TDRD7: variants seen among roughly 807,000 people sequenced by gnomAD.
The protein encoded by TDRD7 is tudor domain containing 7, also known as tudor domain-containing protein 7.
A neutral mutation model predicts 109.8 loss-of-function variants in TDRD7; 47 were observed. The ratio of observed to expected loss-of-function variants is 0.43; its 90% CI spans 0.34 to 0.55. TDRD7 has a LOEUF of 0.55. Among genes scored for constraint, TDRD7 ranks in the 20% least tolerant of loss-of-function variants. The probability of loss-of-function intolerance (pLI) is 0.03; values close to 1 mark genes in which losing one functional copy is unlikely to be tolerated. For synonymous variants in TDRD7, 424 were observed against 457.3 expected (o/e 0.93, Z 0.93); for missense variants, 1,164 against 1,319.2 (o/e 0.88, Z 1.82).
chr9:97,457,240 GT>G (rs933222355), intron 6 of TDRD7, among the ~76,000 whole-genome samples: 1 of 152,100 alleles, frequency 6.6e-6, no homozygotes, highest in African/African-American at 2.4e-5. Context: ...TAGTTCAACT[GT>G]TGTGGAAGAC....
At chr9:97,489,190 CCTTA>C (rs1430405656) in intron 16 of TDRD7, among the ~76,000 whole-genome samples, 2 of 152,174 alleles carry the variant, frequency 1.3e-5, no homozygotes, top group East Asian at 1.9e-4. Flanking sequence ...TCACTTATGT[CCTTA>C]CTTATTTTTA....
intron 16 of TDRD7, among the ~76,000 whole-genome samples, chr9:97,488,896 G>A (rs1409972517): frequency 1.3e-5 from 2 of 152,160 alleles, no homozygotes; most frequent in African/African-American, 4.8e-5. Flanking sequence ...CTCTTGAAAT[G>A]TATCCTTTGA....
At chr9:97,431,975 T>G (rs1304506382) in intron 3 of TDRD7, 50 bp from the exon 4 acceptor site, 1 of 1,511,058 alleles carries the variant, frequency 6.6e-7, no homozygotes. Flanking sequence ...ATAATGAAAG[T>G]GGGGTTTGGG....
Position 97,465,022 on chromosome 9 carries a change from A to T in TDRD7, c.1623A>T (p.Lys541Asn), listed in dbSNP as rs370363564. The T allele has an allele frequency of 3.7e-6, 6 of 1,613,782 alleles. No homozygotes were observed. Among genetic ancestry groups the T allele is most frequent in the Non-Finnish European group, 5.1e-6 (6 of 1,179,826 alleles). ...RAQVISTEEN[K>N]IKVCYVDYGF... ...AGGTCATCTCAACAGAAGAGAACAAAATAAAGGCAAGCACTGTTTACTTTG... is the reference window on the plus strand; with the variant it reads ...AGGTCATCTCAACAGAAGAGAACAATATAAAGGCAAGCACTGTTTACTTTG... The change falls in exon 8 of 17, where the codon AAA becomes AAT. Residue 541 changes from lysine to asparagine, a missense_variant. Physicochemically the swap from Lys to Asn is moderately conservative, Grantham distance 94. Transcript: ENST00000355295.
chr9:97,430,446 G>A (rs1828082102), intron 2 of TDRD7, among the ~76,000 whole-genome samples: 1 of 152,168 alleles, frequency 6.6e-6, no homozygotes, highest in South Asian at 2.1e-4. Context: ...CATCACAGAG[G>A]CAAGAGAAGG....
chr9:97,455,197 CA>C (rs1828582594), intron 6 of TDRD7, among the ~76,000 whole-genome samples: 1 of 152,064 alleles, frequency 6.6e-6, no homozygotes, highest in Non-Finnish European at 1.5e-5. Flanking sequence ...GCCTACCAAC[CA>C]AAAAAAGCCC....
At chr9:97,448,973 A>G (rs1828445235) in intron 6 of TDRD7, among the ~76,000 whole-genome samples, 1 of 152,190 alleles carries the variant, frequency 6.6e-6, no homozygotes. Flanking sequence ...CATAGACTCA[A>G]AGGAGTTTGG....
chr9:97,436,864 A>G (rs955004150), intron 4 of TDRD7, among the ~76,000 whole-genome samples: 2 of 152,178 alleles, frequency 1.3e-5, no homozygotes, highest in Admixed American at 6.5e-5. Flanking sequence ...CCTTATAAAC[A>G]TATGGTTCAG....
At chr9:97,466,109 A>C (rs1481827002) in intron 8 of TDRD7, among the ~76,000 whole-genome samples, 4 of 152,216 alleles carry the variant, frequency 2.6e-5, no homozygotes, top group African/African-American at 2.4e-5. Context: ...ATGTGCCACT[A>C]TCAGCCGCCA....
At chr9:97,432,889 A>G (rs1828129680) in intron 4 of TDRD7, among the ~76,000 whole-genome samples, 1 of 152,208 alleles carries the variant, frequency 6.6e-6, no homozygotes, top group African/African-American at 2.4e-5. Context: ...CTGTTTTGGT[A>G]AATTAAGTTT....
chr9:97,425,304 A>G (rs1284176522), intron 1 of TDRD7, among the ~76,000 whole-genome samples: 1 of 152,206 alleles, frequency 6.6e-6, no homozygotes, highest in Non-Finnish European at 1.5e-5. Context: ...TTGGTCAACA[A>G]TGGACTGCAT....
rs1190326321 is a variant in TDRD7, at chr9:97,460,912, T to G, written c.1442+148T>G. 4 of 734,952 alleles carry G rather than the reference T, an allele frequency of 5.4e-6. No individual in the cohort carries two copies. In the Admixed American group the frequency reaches 6.2e-5, roughly 11 times the overall value. The allele number at this position is 734,952 out of a possible 1,614,324, so 45.5% of individuals were successfully genotyped here. Reference sequence around the variant, plus strand: ...ATCCCAGCACTTTGGGAGGCCGAGGTGGGCGGATCACAAGGTCAGGAGATC... The same window carrying G: ...ATCCCAGCACTTTGGGAGGCCGAGGGGGGCGGATCACAAGGTCAGGAGATC... On this transcript the variant is annotated intron_variant, in intron 7 of 16. Transcript: ENST00000355295.
intron 6 of TDRD7, among the ~76,000 whole-genome samples, chr9:97,454,880 G>A (rs1318648624): frequency 4.6e-5 from 7 of 152,058 alleles, no homozygotes; most frequent in African/African-American, 1.4e-4. Flanking sequence ...CCAAAAAATC[G>A]ACGAATCCAA....
chr9:97,481,577 T>A (rs1450941833), intron 14 of TDRD7, among the ~76,000 whole-genome samples: 1 of 152,180 alleles, frequency 6.6e-6, no homozygotes, highest in African/African-American at 2.4e-5. Context: ...CCTTGAAAAA[T>A]ATCTTCATGA....
intron 1 of TDRD7, among the ~76,000 whole-genome samples, chr9:97,419,446 T>C (rs1264469803): frequency 6.6e-6 from 1 of 152,228 alleles, no homozygotes; most frequent in Non-Finnish European, 1.5e-5. Context: ...TCATGAACCA[T>C]TGTTAAACTA....
Position 97,460,507 on chromosome 9 carries a change from A to G in TDRD7, c.1185A>G (p.Gly395=), listed in dbSNP as rs1392223179. 1 of 1,614,204 alleles carries G rather than the reference A, an allele frequency of 6.2e-7. No individual in the cohort carries two copies. Among genetic ancestry groups the G allele is most frequent in the Admixed American group, 1.7e-5 (1 of 60,028 alleles). Residue 395 remains glycine (G), a synonymous_variant, in exon 7 of 17, where the codon GGA becomes GGG. Coordinates refer to ENST00000355295, the MANE Select transcript of TDRD7 (RefSeq NM_014290.3). ...SDVCSIDYIS[G]NPQKAILYAK... Reference sequence around the variant, plus strand: ...TATGCAGCATAGACTACATTTCTGGAAATCCCCAGAAGGCCATTCTCTATG... The same window carrying G: ...TATGCAGCATAGACTACATTTCTGGGAATCCCCAGAAGGCCATTCTCTATG...
chr9:97,480,030 A>G (rs1002136765), intron 13 of TDRD7, among the ~76,000 whole-genome samples: 1 of 152,234 alleles, frequency 6.6e-6, no homozygotes, highest in Non-Finnish European at 1.5e-5. Context: ...ACATCCAGCC[A>G]GCAGAGCAAG....
At chr9:97,482,825 T>C (rs781427156) in intron 14 of TDRD7, 24 bp from the exon 15 acceptor site, 3 of 1,612,270 alleles carry the variant, frequency 1.9e-6, no homozygotes, top group East Asian at 2.2e-5. Context: ...GTATTTCTTA[T>C]ATCATTTTTT....
At chr9:97,475,294 C>A in intron 11 of TDRD7, 89 bp from the exon 12 acceptor site, 1 of 1,012,416 alleles carries the variant, frequency 9.9e-7, no homozygotes, top group Non-Finnish European at 1.6e-6. Context: ...GTTAAGTCTG[C>A]CAGTGCCACA....
Sources: gnomAD v4.1 joint callset for allele counts (sites outside exome capture counted in the v4.1 genomes callset) on GRCh38, gnomAD v4.1.1 for gene constraint, MANE v1.5 for transcripts, NCBI Gene and HGNC (gene_info 2026-07-23, HGNC 2026-07-21) for gene names.